The following ODF2L variants were observed in gnomAD, a reference collection of about 807,000 sequenced individuals.
ODF2L encodes the protein protein BCAP.
In ODF2L, 76 loss-of-function variants were observed where a neutral mutation model predicts 86.3. The observed-to-expected ratio is 0.88, with a 90% CI of 0.73 to 1.07. ODF2L has a LOEUF of 1.07. Among genes scored for constraint, ODF2L ranks in the 50% least tolerant of loss-of-function variants. The pLI is 0.00. For missense variants in ODF2L, 748 were observed against 717.4 expected, an observed-to-expected ratio of 1.04 and a Z score of -0.49; for synonymous variants, 241 against 231.3, an observed-to-expected ratio of 1.04 and a Z score of -0.38.
At chr1:86,393,906 C>T (rs1179626255) in intron 1 of ODF2L, among the ~76,000 whole-genome samples, 1 of 152,154 alleles carries the variant, frequency 6.6e-6, no homozygotes, top group African/African-American at 2.4e-5. Flanking sequence ...TGTTTAAACT[C>T]GGACACTTTT....
At chr1:86,391,768 C>A (rs571944620) in intron 1 of ODF2L, among the ~76,000 whole-genome samples, 1 of 152,104 alleles carries the variant, frequency 6.6e-6, no homozygotes, top group South Asian at 2.1e-4. Context: ...ATCAGAAAAA[C>A]CCTTCTAGAT....
chr1:86,396,228 G>A (rs997388501), exon 1 of ODF2L: 1 of 152,590 alleles, frequency 6.6e-6, no homozygotes, highest in East Asian at 1.9e-4. Context: ...GGGACGCGAG[G>A]TGGGAACCAG....
chr1:86,375,088 A>T (rs1049520512), intron 8 of ODF2L: 2 of 152,154 alleles, frequency 1.3e-5, no homozygotes, highest in Non-Finnish European at 2.9e-5. Context: ...CATTGATATG[A>T]TTGTTTTAGA....
chr1:86,387,107 T>C (rs978870725), intron 1 of ODF2L, 21 bp from the exon 2 acceptor site: 14 of 633,688 alleles, frequency 2.2e-5, no homozygotes, highest in Non-Finnish European at 3.7e-5. Context: ...TTTTAGTTAT[T>C]AAATTTATTT....
At chr1:86,384,797 T>A in exon 4 of ODF2L, 6 of 1,498,760 alleles carry the variant, frequency 4.0e-6, no homozygotes, top group Non-Finnish European at 5.3e-6. Context: ...TGCAGAAAGA[T>A]TCGCCTGACA....
intron 8 of ODF2L, among the ~76,000 whole-genome samples, chr1:86,375,535 C>G (rs1660107240): frequency 6.6e-6 from 1 of 152,182 alleles, no homozygotes; most frequent in African/African-American, 2.4e-5. Context: ...ATCAGTGAGA[C>G]TTTTTTAAAA....
chr1:86,385,675 T>C, intron 2 of ODF2L, 85 bp from the exon 3 acceptor site: 2 of 963,494 alleles, frequency 2.1e-6, no homozygotes, highest in Non-Finnish European at 3.1e-6. Flanking sequence ...ACCTATACAG[T>C]ACTCTTAATA....
At chr1:86,393,809 T>A (rs1168540391) in intron 1 of ODF2L, among the ~76,000 whole-genome samples, 1 of 152,262 alleles carries the variant, frequency 6.6e-6, no homozygotes, top group South Asian at 2.1e-4. Flanking sequence ...ATAATACGCA[T>A]CACTCTCTGC....
In ODF2L at chr1:86,387,092, A is replaced by G; in HGVS notation, c.-59-6T>C. ...TTCTCCACATAAGCTGAAAGCTAGG[A>G]AATATTTTAGTTATTAAATTTATTT... is the stretch of plus-strand genomic sequence containing the variant. On this transcript the variant is annotated splice_region_variant and splice_polypyrimidine_tract_variant and intron_variant, in intron 1 of 17. Coordinates refer to ENST00000317336, the Ensembl canonical transcript of ODF2L. 1.4e-6 allele frequency: 1 copy of G among 726,938 alleles called. No individual in the cohort carries two copies. Among genetic ancestry groups the G allele is most frequent in the Non-Finnish European group, 2.2e-6 (1 of 446,052 alleles). 45.0% of individuals were successfully genotyped at this position (726,938 alleles called of 1,614,324 possible).
chr1:86,385,375 T>G, intron 3 of ODF2L, 83 bp downstream of exon 3: 1 of 780,920 alleles, frequency 1.3e-6, no homozygotes. Flanking sequence ...TGAGCATACC[T>G]ATATAAGATA....
intron 13 of ODF2L, chr1:86,357,638 A>T: frequency 3.8e-6 from 1 of 265,430 alleles, no homozygotes; most frequent in Non-Finnish European, 5.8e-6. Context: ...TGTCTGTTTT[A>T]AGGACACTGA....
intron 7 of ODF2L, among the ~76,000 whole-genome samples, chr1:86,380,217 A>G (rs890312902): frequency 6.6e-6 from 1 of 152,132 alleles, no homozygotes; most frequent in Non-Finnish European, 1.5e-5. Flanking sequence ...ACAATCATCA[A>G]AATCTAAGCT....
chr1:86,371,159 T>C lies in ODF2L; in HGVS notation c.921-6A>G. 1 of 1,401,740 alleles carries C rather than the reference T, an allele frequency of 7.1e-7. No homozygotes were observed. The highest frequency in any genetic ancestry group is 9.6e-7 in the Non-Finnish European group (1 of 1,042,082). The allele number at this position is 1,401,740 out of a possible 1,614,324, so 86.8% of individuals were successfully genotyped here. A position where few individuals can be genotyped will look rare whatever the true frequency, so the allele number is the denominator to read the frequency against. Reference sequence around the variant, plus strand: ...CCAAAAGATTAATGATTTGCCTTTATAAAATCAATGACACATTTTATAAAA... The same window carrying C: ...CCAAAAGATTAATGATTTGCCTTTACAAAATCAATGACACATTTTATAAAA... On this transcript the variant is annotated splice_region_variant and splice_polypyrimidine_tract_variant and intron_variant, in intron 9 of 17. Coordinates refer to ENST00000317336, the Ensembl canonical transcript of ODF2L.
At chr1:86,386,243 T>A (rs1002928859) in intron 2 of ODF2L, 1 of 152,258 alleles carries the variant, frequency 6.6e-6, no homozygotes, top group Non-Finnish European at 1.5e-5. Context: ...GACAAGTATT[T>A]GCTATATAGT....
chr1:86,357,771 T>A, intron 13 of ODF2L: 1 of 979,096 alleles, frequency 1.0e-6, no homozygotes, highest in Non-Finnish European at 1.2e-6. Flanking sequence ...AGTTGTCTTG[T>A]TAAATACTAG....
intron 11 of ODF2L, among the ~76,000 whole-genome samples, chr1:86,367,668 A>G (rs930494204): frequency 5.9e-5 from 9 of 152,174 alleles, no homozygotes; most frequent in Admixed American, 3.3e-4. Flanking sequence ...TTGTACAAGA[A>G]AAAAACATTT....
intron 11 of ODF2L, among the ~76,000 whole-genome samples, chr1:86,361,506 T>G (rs1659032736): frequency 6.6e-6 from 1 of 152,340 alleles, no homozygotes; most frequent in Middle Eastern, 3.4e-3. Flanking sequence ...GATTACAAGA[T>G]GTGCAGAGCT....
chr1:86,366,616 A>AAAG (rs1659459868), intron 11 of ODF2L, among the ~76,000 whole-genome samples: 2 of 151,390 alleles, frequency 1.3e-5, no homozygotes, highest in African/African-American at 4.9e-5. Context: ...AAAAAAAAAA[A>AAAG]GTGCCAATTG....
intron 1 of ODF2L, among the ~76,000 whole-genome samples, chr1:86,395,356 CCTGCGTTTACTTAAT>C (rs1661659151): frequency 6.6e-6 from 1 of 152,068 alleles, no homozygotes; most frequent in African/African-American, 2.4e-5. Flanking sequence ...CCTTAATGGC[CCTGCGTTTACTTAAT>C]CTCGTATTAC....
Sources: gnomAD v4.1 joint callset for allele counts (sites outside exome capture counted in the v4.1 genomes callset) on GRCh38, gnomAD v4.1.1 for gene constraint, MANE v1.5 for transcripts, NCBI Gene and HGNC (gene_info 2026-07-23, HGNC 2026-07-21) for gene names.